Variants in LRP1B observed in about 807,000 individuals in gnomAD.
LRP1B encodes the protein LDL receptor related protein 1B, also known as low-density lipoprotein receptor-related protein 1B.
In LRP1B, 217 loss-of-function variants were observed where a neutral mutation model predicts 556.6. The observed-to-expected ratio is 0.39, with a 90% CI of 0.35 to 0.44. LRP1B has a LOEUF of 0.44. Among genes scored for constraint, LRP1B ranks in the 20% least tolerant of loss-of-function variants. The probability of loss-of-function intolerance (pLI) is 1.00; values close to 1 mark genes in which losing one functional copy is unlikely to be tolerated. For synonymous variants in LRP1B, 2,047 were observed against 1,865.8 expected, an observed-to-expected ratio of 1.10 and a Z score of -2.50; for missense variants, 5,053 against 5,620.8, an observed-to-expected ratio of 0.90 and a Z score of 3.23.
chr2:140,412,220 A>T (rs1046555391), intron 66 of LRP1B, among the ~76,000 whole-genome samples: 1 of 152,150 alleles, frequency 6.6e-6, no homozygotes, highest in Non-Finnish European at 1.5e-5. Context: ...AATGAATTTC[A>T]ACTCTAGACA....
intron 31 of LRP1B, among the ~76,000 whole-genome samples, chr2:140,838,139 C>A (rs1050417751): frequency 2.0e-5 from 3 of 151,932 alleles, no homozygotes; most frequent in Non-Finnish European, 4.4e-5. Flanking sequence ...TGGAAATAAG[C>A]ATATAAATTA....
intron 3 of LRP1B, among the ~76,000 whole-genome samples, chr2:141,266,052 C>T (rs1165908527): frequency 2.0e-5 from 3 of 152,056 alleles, no homozygotes; most frequent in Non-Finnish European, 4.4e-5. Flanking sequence ...TGGCCAGGCG[C>T]GGTGGCTCAC....
At chr2:141,866,682 A>G (rs2105794603) in intron 1 of LRP1B, among the ~76,000 whole-genome samples, 1 of 152,178 alleles carries the variant, frequency 6.6e-6, no homozygotes, top group South Asian at 2.1e-4. Flanking sequence ...AACCTAACAC[A>G]GCTCTATTTG....
chr2:141,526,211 A>C (rs1345892298), intron 2 of LRP1B, among the ~76,000 whole-genome samples: 1 of 152,034 alleles, frequency 6.6e-6, no homozygotes, highest in Non-Finnish European at 1.5e-5. Flanking sequence ...AATGAGAATG[A>C]CTTGAGAAAA....
intron 89 of LRP1B, among the ~76,000 whole-genome samples, chr2:140,237,304 T>C (rs1004450424): frequency 7.3e-5 from 11 of 151,032 alleles, no homozygotes; most frequent in Non-Finnish European, 3.0e-5. Flanking sequence ...TATGACAATA[T>C]CATCCAGCTT....
chr2:140,318,267 C>G (rs1000945436), intron 82 of LRP1B, among the ~76,000 whole-genome samples: 1 of 152,066 alleles, frequency 6.6e-6, no homozygotes. Context: ...GTTTATTTTT[C>G]AAGACCTATA....
At chr2:141,186,952 A>G (rs1222684171) in intron 7 of LRP1B, among the ~76,000 whole-genome samples, 1 of 151,996 alleles carries the variant, frequency 6.6e-6, no homozygotes, top group Non-Finnish European at 1.5e-5. Flanking sequence ...TTATAGTTTC[A>G]CCTCTTAACA....
At chr2:140,269,067 A>C (rs543105410) in intron 86 of LRP1B, among the ~76,000 whole-genome samples, 93 of 152,096 alleles carry the variant, frequency 6.1e-4, no homozygotes, top group African/African-American at 2.2e-3. Flanking sequence ...TTTCTCTGTT[A>C]TATTTCTGGA....
chr2:142,003,615 C>T (rs982427484), intron 1 of LRP1B, among the ~76,000 whole-genome samples: 1 of 152,086 alleles, frequency 6.6e-6, no homozygotes. Flanking sequence ...AATGTGGCTG[C>T]GATGGCAACA....
intron 86 of LRP1B, among the ~76,000 whole-genome samples, chr2:140,262,069 A>G (rs1001570649): frequency 1.3e-5 from 2 of 150,316 alleles, no homozygotes; most frequent in Non-Finnish European, 3.0e-5. Flanking sequence ...AATTACTATT[A>G]AAAAAAAAGA....
intron 1 of LRP1B, among the ~76,000 whole-genome samples, chr2:141,984,649 A>T (rs948321066): frequency 6.6e-6 from 1 of 152,096 alleles, no homozygotes; most frequent in African/African-American, 2.4e-5. Context: ...TGATATTTTA[A>T]GTCTTTCATT....
At chr2:140,992,150 A>G (rs1480944057) in intron 16 of LRP1B, among the ~76,000 whole-genome samples, 4 of 151,586 alleles carry the variant, frequency 2.6e-5, no homozygotes, top group Non-Finnish European at 5.9e-5. Context: ...CAGGAAGTAA[A>G]CATAAAAAAT....
At chr2:140,876,144 A>G (rs1693298119) in intron 25 of LRP1B, among the ~76,000 whole-genome samples, 1 of 152,200 alleles carries the variant, frequency 6.6e-6, no homozygotes, top group South Asian at 2.1e-4. Flanking sequence ...ATGAGTATCA[A>G]GCAGAACAGA....
At chr2:140,618,916 G>A (rs575216053) in intron 41 of LRP1B, among the ~76,000 whole-genome samples, 15 of 152,098 alleles carry the variant, frequency 9.9e-5, no homozygotes, top group African/African-American at 3.1e-4. Context: ...TTTTTTGTTC[G>A]TAAAATGGGA....
At chr2:140,965,529 T>G (rs1484601724) in intron 18 of LRP1B, among the ~76,000 whole-genome samples, 6 of 142,970 alleles carry the variant, frequency 4.2e-5, no homozygotes, top group South Asian at 2.3e-4. Flanking sequence ...TAAAATTTTA[T>G]GTACACTATT....
At chr2:140,750,424 T>A (rs1359499807) in intron 35 of LRP1B, among the ~76,000 whole-genome samples, 1 of 140,476 alleles carries the variant, frequency 7.1e-6, no homozygotes, top group African/African-American at 2.6e-5. Context: ...GTATAATGAT[T>A]TCTTTTTATA....
chr2:140,423,768 T>C (rs945472351), intron 66 of LRP1B, among the ~76,000 whole-genome samples: 1 of 152,092 alleles, frequency 6.6e-6, no homozygotes, highest in Non-Finnish European at 1.5e-5. Flanking sequence ...AGTATGTACC[T>C]ACAGTGAAAT....
At chr2:141,059,140 G>C in intron 8 of LRP1B, 86 bp from the exon 9 acceptor site, 1 of 825,424 alleles carries the variant, frequency 1.2e-6, no homozygotes, top group Non-Finnish European at 1.8e-6. Flanking sequence ...TACTAGTATG[G>C]AAAATGGCCA....
intron 1 of LRP1B, among the ~76,000 whole-genome samples, chr2:142,035,828 A>C (rs1268533902): frequency 6.6e-6 from 1 of 151,706 alleles, no homozygotes; most frequent in Non-Finnish European, 1.5e-5. Flanking sequence ...TGTATCTCCC[A>C]GAATTCCCAC....
Sources: allele counts gnomAD v4.1 joint callset (sites outside exome capture counted in the v4.1 genomes callset), GRCh38; gene constraint gnomAD v4.1.1; transcripts MANE v1.5; gene names NCBI Gene and HGNC (gene_info 2026-07-23, HGNC 2026-07-21).